Variants in ENAH observed in about 807,000 individuals in gnomAD.
ENAH encodes protein enabled homolog.
Under a neutral mutation model 78.7 loss-of-function variants are expected in ENAH, and 23 were observed. That is an observed-to-expected ratio of 0.29 (90% CI 0.21 to 0.41). ENAH has a LOEUF of 0.41. Among genes scored for constraint, ENAH ranks in the 10% least tolerant of loss-of-function variants. The pLI is 1.00. For synonymous variants in ENAH, 226 were observed against 241.0 expected (o/e 0.94, Z 0.58); for missense variants, 544 against 691.0 (o/e 0.79, Z 2.39).
chr1:225,615,467 C>T (rs2097022224), intron 1 of ENAH, among the ~76,000 whole-genome samples: 1 of 152,190 alleles, frequency 6.6e-6, no homozygotes. Context: ...GCCGCCACCC[C>T]ATCTGGGAAG....
In ENAH at chr1:225,497,712, A is replaced by C. The variant is rs2096256222; in HGVS notation, c.*63T>G. On this transcript the variant is annotated 3_prime_UTR_variant, in exon 14 of 14. Transcript: ENST00000366843. ...AATGTAGGGGTTTGCTGTTGTGAACAGTTGTTGTTTGTAGGATATTTTTCC... is the reference window on the plus strand; with the variant it reads ...AATGTAGGGGTTTGCTGTTGTGAACCGTTGTTGTTTGTAGGATATTTTTCC... 13 of 1,524,914 alleles carry C rather than the reference A, an allele frequency of 8.5e-6. No homozygotes were observed. Among genetic ancestry groups the C allele is most frequent in the Non-Finnish European group, 1.1e-5 (12 of 1,106,646 alleles). 94.5% of individuals were successfully genotyped at this position (1,524,914 alleles called of 1,614,324 possible).
At chr1:225,606,333 G>A (rs1014010014) in intron 1 of ENAH, among the ~76,000 whole-genome samples, 5 of 151,814 alleles carry the variant, frequency 3.3e-5, no homozygotes, top group African/African-American at 9.7e-5. Context: ...GTGGTGGCAG[G>A]CACCTGTAAT....
intron 1 of ENAH, among the ~76,000 whole-genome samples, chr1:225,580,829 G>T (rs926058519): frequency 6.6e-6 from 1 of 150,944 alleles, no homozygotes; most frequent in Non-Finnish European, 1.5e-5. Context: ...AAGCCTGGGA[G>T]GGTGGAAGTT....
intron 1 of ENAH, among the ~76,000 whole-genome samples, chr1:225,575,629 T>A (rs2096784353): frequency 6.6e-6 from 1 of 152,208 alleles, no homozygotes; most frequent in South Asian, 2.1e-4. Flanking sequence ...CCCATTTTCA[T>A]CTTCCCAGAT....
At chr1:225,591,731 C>T (rs1368485028) in intron 1 of ENAH, among the ~76,000 whole-genome samples, 6 of 137,666 alleles carry the variant, frequency 4.4e-5, no homozygotes, top group Admixed American at 1.6e-4. Flanking sequence ...CGTCACTGCA[C>T]TCCAGCCTGG....
At chr1:225,506,078 T>C (rs1013156026) in intron 11 of ENAH, among the ~76,000 whole-genome samples, 3 of 152,152 alleles carry the variant, frequency 2.0e-5, no homozygotes, top group Admixed American at 1.3e-4. Flanking sequence ...ACCAAATACA[T>C]CAAAGAATGT....
At chr1:225,646,774 G>A (rs559837291) in intron 1 of ENAH, among the ~76,000 whole-genome samples, 1 of 152,214 alleles carries the variant, frequency 6.6e-6, no homozygotes, top group Admixed American at 6.5e-5. Context: ...GGGCGACACA[G>A]TGAGACTGTC....
chr1:225,617,181 G>A (rs973720184), intron 1 of ENAH, among the ~76,000 whole-genome samples: 4 of 151,986 alleles, frequency 2.6e-5, no homozygotes, highest in Non-Finnish European at 4.4e-5. Context: ...TATCAGACAC[G>A]AAAAAGAAAA....
chr1:225,636,575 G>C (rs1194185145), intron 1 of ENAH, among the ~76,000 whole-genome samples: 2 of 152,138 alleles, frequency 1.3e-5, no homozygotes, highest in Non-Finnish European at 2.9e-5. Context: ...AGGGTGCAGT[G>C]GCTCACAGCC....
intron 1 of ENAH, among the ~76,000 whole-genome samples, chr1:225,615,180 T>G (rs1035393967): frequency 2.6e-5 from 4 of 152,148 alleles, no homozygotes; most frequent in African/African-American, 9.7e-5. Flanking sequence ...GTGCCTGGGA[T>G]TGCAGGCGCG....
intron 1 of ENAH, among the ~76,000 whole-genome samples, chr1:225,615,800 T>C (rs1487274588): frequency 5.9e-5 from 9 of 151,274 alleles, no homozygotes; most frequent in African/African-American, 1.9e-4. Flanking sequence ...GGAGCCCCTC[T>C]GCCCGGCCGC....
At position 225,492,776 on chromosome 1, in the gene ENAH, G is replaced by A. The variant is rs562458849; in HGVS notation, c.*4999C>T. ...CCCTTTCTCAATTTTCAGATGTATCGATTCCTTCAGATTTCAACAGAAATA... is the reference window on the plus strand; with the variant it reads ...CCCTTTCTCAATTTTCAGATGTATCAATTCCTTCAGATTTCAACAGAAATA... On this transcript the variant is annotated 3_prime_UTR_variant, in exon 14 of 14. Coordinates refer to ENST00000366843, the MANE Select transcript of ENAH (RefSeq NM_018212.6). 3 of 152,248 alleles carry A rather than the reference G, an allele frequency of 2.0e-5. No homozygotes were observed. The highest frequency in any genetic ancestry group is 4.1e-4 in the South Asian group (2 of 4,822). The allele number at this position is 152,248 out of a possible 1,614,324, so 9.4% of individuals were successfully genotyped here. A position where few individuals can be genotyped will look rare whatever the true frequency, so the allele number is the denominator to read the frequency against.
intron 1 of ENAH, among the ~76,000 whole-genome samples, chr1:225,621,539 G>A (rs868532367): frequency 5.3e-5 from 8 of 151,636 alleles, no homozygotes; most frequent in Admixed American, 1.3e-4. Context: ...TGATCCGCCC[G>A]CCTCGGCCTC....
intron 1 of ENAH, among the ~76,000 whole-genome samples, chr1:225,625,924 C>T (rs1161835836): frequency 6.6e-6 from 1 of 152,122 alleles, no homozygotes; most frequent in Non-Finnish European, 1.5e-5. Context: ...AACTCTGTTC[C>T]TTCTACCCAT....
At chr1:225,498,801 T>C (rs368958064) in intron 12 of ENAH, among the ~76,000 whole-genome samples, 1 of 152,314 alleles carries the variant, frequency 6.6e-6, no homozygotes, top group African/African-American at 2.4e-5. Flanking sequence ...AACTGGCTCT[T>C]GGCAAATCTG....
At position 225,546,434 on chromosome 1, in the gene ENAH, A is replaced by C. The variant is rs548954400; in HGVS notation, c.349+8472T>G. ...CCTGTGTGTAAATGGGGGATCACAA[A>C]ACAGAAGCATAAAGAGAGGGAGAGG... On this transcript the variant is annotated intron_variant, in intron 3 of 13. Transcript: ENST00000366843. Among the ~76,000 whole-genome samples the C allele has an allele frequency of 1.4e-4, 21 of 152,320 alleles. No homozygotes were observed. The South Asian group carries it at 4.3e-3, about 32-fold the overall frequency.
At chr1:225,552,531 A>G (rs1297500366) in intron 3 of ENAH, among the ~76,000 whole-genome samples, 1 of 152,246 alleles carries the variant, frequency 6.6e-6, no homozygotes, top group East Asian at 1.9e-4. Flanking sequence ...ACAGTAATTT[A>G]TGAAAACAGT....
rs34472438 is a variant in ENAH, at chr1:225,538,323, T to TAA, written c.350-7687_350-7686dup. Among the ~76,000 whole-genome samples the TAA allele has an allele frequency of 4.7e-5, 7 of 148,268 alleles. 1 individual carries two copies. In the East Asian group the frequency reaches 1.4e-3, roughly 29 times the overall value. ...TACTGCAGTGGTACAGTTGCTGCAT[T>TAA]AAAAAAAAAAGTTACCACATTGCAG... On this transcript the variant is annotated intron_variant, in intron 3 of 13. Transcript: ENST00000366843.
intron 1 of ENAH, among the ~76,000 whole-genome samples, chr1:225,585,818 AT>A (rs2096843350): frequency 1.3e-5 from 2 of 152,062 alleles, no homozygotes; most frequent in African/African-American, 4.8e-5. Flanking sequence ...TAAGAAAAAA[AT>A]CATGAGATGC....
Sources: allele counts gnomAD v4.1 joint callset (sites outside exome capture counted in the v4.1 genomes callset), GRCh38; gene constraint gnomAD v4.1.1; transcripts MANE v1.5; gene names NCBI Gene and HGNC (gene_info 2026-07-23, HGNC 2026-07-21).